Variants in CDH19 observed in about 807,000 individuals in gnomAD.
CDH19 encodes the protein cadherin-19.
Under a neutral mutation model 64.2 loss-of-function variants are expected in CDH19, and 67 were observed. The observed-to-expected ratio is 1.04, with a 90% CI of 0.86 to 1.28. CDH19 has a LOEUF of 1.28. Ranked by LOEUF, CDH19 falls within the 50% of genes most tolerant of loss-of-function variation. The pLI is 0.00. For synonymous variants in CDH19, 346 were observed against 319.3 expected, an observed-to-expected ratio of 1.08 and a Z score of -0.89; for missense variants, 1,030 against 929.0, an observed-to-expected ratio of 1.11 and a Z score of -1.41.
chr18:66,575,201 G>C (rs1988230159), intron 1 of CDH19, among the ~76,000 whole-genome samples: 1 of 151,772 alleles, frequency 6.6e-6, no homozygotes, highest in South Asian at 2.1e-4. Flanking sequence ...AAAAAACTAA[G>C]TCATTTTTTA....
intron 8 of CDH19, among the ~76,000 whole-genome samples, 170 bp from the exon 9 acceptor site, chr18:66,530,136 T>C (rs1986387006): frequency 6.6e-6 from 1 of 152,180 alleles, no homozygotes; most frequent in South Asian, 2.1e-4. Context: ...CAATAGATCC[T>C]AGAAAAAAAT....
chr18:66,528,055 A>G (rs554100662), intron 9 of CDH19, among the ~76,000 whole-genome samples: 1 of 151,796 alleles, frequency 6.6e-6, no homozygotes, highest in Non-Finnish European at 1.5e-5. Context: ...TTTGATATAT[A>G]TTTATTAGAA....
In CDH19 at chr18:66,576,655, T is replaced by C. The variant is rs190641311; in HGVS notation, c.-112-4339A>G. Among the ~76,000 whole-genome samples the C allele has an allele frequency of 1.1e-3, 164 of 151,738 alleles. 2 individuals carry two copies. The highest frequency in any genetic ancestry group is 1.3e-3 in the Non-Finnish European group (89 of 67,752). On this transcript the variant is annotated intron_variant, in intron 1 of 11. Transcript: ENST00000262150. The stretch of plus-strand genomic sequence containing the variant: ...TACAAGATGAAATAAAACCTTATTG[T>C]ATTACAAGAAGAAACACACAAATCT...
Position 66,572,187 on chromosome 18 carries a change from C to G in CDH19, c.18G>C (p.Leu6=), listed in dbSNP as rs1454961118. Reference sequence around the variant, plus strand: ...GAGGAATTCCCAACATAAAACGCAGCAGTAAATAACAGTTCATTGCGTTGA... The same window carrying G: ...GAGGAATTCCCAACATAAAACGCAGGAGTAAATAACAGTTCATTGCGTTGA... The part of the protein sequence containing the change: MNCYL[L]LRFMLGIPLL... Residue 6 remains leucine (L), a synonymous_variant, in exon 2 of 12, where the codon CTG becomes CTC. Transcript: ENST00000262150. 5 of 1,610,384 alleles carry G rather than the reference C, an allele frequency of 3.1e-6. No homozygotes were observed. The highest frequency in any genetic ancestry group is 4.2e-6 in the Non-Finnish European group (5 of 1,177,630).
intron 3 of CDH19, among the ~76,000 whole-genome samples, chr18:66,567,416 C>A (rs1159075005): frequency 6.6e-6 from 1 of 151,180 alleles, no homozygotes; most frequent in African/African-American, 2.4e-5. Context: ...GCCTACCTAC[C>A]AAAATAGAGT....
chr18:66,525,005 AT>A (rs1986166217), intron 9 of CDH19, among the ~76,000 whole-genome samples: 1 of 151,874 alleles, frequency 6.6e-6, no homozygotes. Flanking sequence ...CTGGTTCTGG[AT>A]TTTCTCTTGG....
At chr18:66,539,551 C>G (rs1883273375) in intron 7 of CDH19, among the ~76,000 whole-genome samples, 1 of 151,778 alleles carries the variant, frequency 6.6e-6, no homozygotes, top group African/African-American at 2.4e-5. Flanking sequence ...CTTTTTTAAT[C>G]TCTCAATATG....
intron 3 of CDH19, among the ~76,000 whole-genome samples, chr18:66,558,280 C>T (rs13381146): frequency 0.02 from 2,976 of 151,062 alleles, 110 homozygotes; most frequent in African/African-American, 0.068. Flanking sequence ...GAAATGTTGG[C>T]TGTAAAATTT....
At chr18:66,527,998 AT>A (rs906820820) in intron 9 of CDH19, among the ~76,000 whole-genome samples, 1 of 151,526 alleles carries the variant, frequency 6.6e-6, no homozygotes, top group Non-Finnish European at 1.5e-5. Flanking sequence ...ATAAACCATA[AT>A]TTTATTTATA....
Position 66,572,237 on chromosome 18 carries a change from T to C in CDH19, c.-33A>G. ...ACTCTTTTGATTCCAACTATTACTC[T>C]TCAGAGGAAACAGGACGTCACTAAC... On this transcript the variant is annotated 5_prime_UTR_variant, in exon 2 of 12. Coordinates refer to ENST00000262150, the MANE Select transcript of CDH19 (RefSeq NM_021153.4). The C allele has an allele frequency of 6.4e-7, 1 of 1,552,592 alleles. No individual in the cohort carries two copies. The highest frequency in any genetic ancestry group is 8.8e-7 in the Non-Finnish European group (1 of 1,133,172).
At chr18:66,528,857 T>C (rs1986325155) in intron 9 of CDH19, among the ~76,000 whole-genome samples, 1 of 151,422 alleles carries the variant, frequency 6.6e-6, no homozygotes, top group Admixed American at 6.6e-5. Context: ...GTTGATAAAT[T>C]CAAAGCTACT....
chr18:66,545,140 G>C (rs1027214232), intron 5 of CDH19, among the ~76,000 whole-genome samples: 1 of 151,762 alleles, frequency 6.6e-6, no homozygotes, highest in Non-Finnish European at 1.5e-5. Flanking sequence ...CACCACGCCC[G>C]GCTAATTTTT....
At chr18:66,555,031 T>C (rs2144524980) in intron 3 of CDH19, among the ~76,000 whole-genome samples, 1 of 151,942 alleles carries the variant, frequency 6.6e-6, no homozygotes, top group African/African-American at 2.4e-5. Flanking sequence ...CTCCTTTAAT[T>C]CTCTTCTCTA....
rs560328145 is a variant in CDH19, at chr18:66,576,861, T to A, written c.-112-4545A>T. 2.1e-4 allele frequency among the ~76,000 whole-genome samples: 32 copies of A among 151,868 alleles called. No individual in the cohort carries two copies. The East Asian group carries it at 3.7e-3, about 17-fold the overall frequency. ...TACTGGTAAAATCTATAGGTAACTT[T>A]AGCAGGGTTGGAGGATACACGGTCA... On this transcript the variant is annotated intron_variant, in intron 1 of 11. Coordinates refer to ENST00000262150, the MANE Select transcript of CDH19 (RefSeq NM_021153.4).
At chr18:66,591,096 C>G (rs1199643093) in intron 1 of CDH19, among the ~76,000 whole-genome samples, 1 of 151,868 alleles carries the variant, frequency 6.6e-6, no homozygotes, top group Admixed American at 6.6e-5. Flanking sequence ...TGACACTAGT[C>G]AAGATTCTTA....
At chr18:66,535,820 A>G (rs1986644820) in intron 7 of CDH19, among the ~76,000 whole-genome samples, 1 of 106,742 alleles carries the variant, frequency 9.4e-6, no homozygotes, top group African/African-American at 3.3e-5. Flanking sequence ...TATGATACAT[A>G]TGTTTTATTA....
intron 1 of CDH19, among the ~76,000 whole-genome samples, chr18:66,579,343 A>G (rs1378417882): frequency 6.6e-6 from 1 of 152,054 alleles, no homozygotes; most frequent in South Asian, 2.1e-4. Context: ...CTGTAATAAA[A>G]GAACAAATTA....
At chr18:66,584,701 T>G (rs984388935) in intron 1 of CDH19, among the ~76,000 whole-genome samples, 5 of 152,126 alleles carry the variant, frequency 3.3e-5, no homozygotes, top group African/African-American at 9.7e-5. Flanking sequence ...ACATATACCA[T>G]GAAATATTAT....
chr18:66,509,181 T>C lies in CDH19; in HGVS notation c.1642A>G (p.Ile548Val). 3 of 1,612,746 alleles carry C rather than the reference T, an allele frequency of 1.9e-6. No homozygotes were observed. The highest frequency in any genetic ancestry group is 2.2e-5 in the East Asian group (1 of 44,854). The change falls in exon 11 of 12, where the codon ATC becomes GTC. Residue 548 changes from isoleucine to valine, a missense_variant. Coordinates refer to ENST00000262150, the MANE Select transcript of CDH19 (RefSeq NM_021153.4). ...CCATTGTCGGCAATTAAGATGGAGA[T>C]GTAGAAGACAGGTTCTTCTTGAAGG... ...FNLQEEPVFY[I>V]SILIADNGIP...
Sources: gnomAD v4.1 joint callset for allele counts (sites outside exome capture counted in the v4.1 genomes callset) on GRCh38, gnomAD v4.1.1 for gene constraint, MANE v1.5 for transcripts, NCBI Gene and HGNC (gene_info 2026-07-23, HGNC 2026-07-21) for gene names.